CCDC102B: variants seen among roughly 807,000 people sequenced by gnomAD.
The protein encoded by CCDC102B is coiled-coil domain containing 102B, also known as coiled-coil domain-containing protein 102B.
In CCDC102B, 75 loss-of-function variants were observed where a neutral mutation model predicts 57.4. That is an observed-to-expected ratio of 1.31 (90% CI 1.08 to 1.58). CCDC102B has a LOEUF of 1.58. CCDC102B is among the 40% of genes most tolerant of loss of function. The pLI, the probability that CCDC102B is intolerant of heterozygous loss-of-function variation, is 0.00. For synonymous variants in CCDC102B, 206 were observed against 201.9 expected (o/e 1.02, Z -0.17); for missense variants, 636 against 582.6 (o/e 1.09, Z -0.94).
chr18:69,057,553 G>T (rs1249638762), downstream of CCDC102B, among the ~76,000 whole-genome samples: 1 of 151,992 alleles, frequency 6.6e-6, no homozygotes, highest in Non-Finnish European at 1.5e-5. Context: ...CTTTCAGGAG[G>T]ATTGCTGGGG....
chr18:68,815,626 G>A (rs527404607), intron 1 of CCDC102B, among the ~76,000 whole-genome samples: 5 of 150,468 alleles, frequency 3.3e-5, no homozygotes, highest in Admixed American at 6.6e-5. Flanking sequence ...AGGAAATATG[G>A]TATAGATTCA....
At chr18:68,986,713 A>AC (rs1009878830) in intron 6 of CCDC102B, among the ~76,000 whole-genome samples, 9 of 151,678 alleles carry the variant, frequency 5.9e-5, no homozygotes, top group Admixed American at 6.6e-5. Flanking sequence ...AACAACAACA[A>AC]AAAAAAAACT....
intron 4 of CCDC102B, among the ~76,000 whole-genome samples, chr18:68,869,803 A>G (rs891595348): frequency 3.9e-5 from 6 of 151,936 alleles, no homozygotes; most frequent in Non-Finnish European, 8.8e-5. Flanking sequence ...TCCCATGCCT[A>G]TGTCCTGAAT....
At position 69,011,073 on chromosome 18, in the gene CCDC102B, T is replaced by A; in HGVS notation, c.1403T>A (p.Leu468Gln). The change falls in exon 7 of 8, where the codon CTA (leucine) becomes CAA (glutamine). Residue 468 changes from leucine to glutamine, a missense_variant. Physicochemically the swap from Leu to Gln is moderately radical, Grantham distance 113. Transcript: ENST00000360242. ...AAACTAAGATTACGAGTGGAAGAACTAAAGCAGGGACTCAATCAAAAAGAA... is the reference window on the plus strand; with the variant it reads ...AAACTAAGATTACGAGTGGAAGAACAAAAGCAGGGACTCAATCAAAAAGAA... ...VKKLRLRVEE[L>Q]KQGLNQKEDE... is the part of the protein sequence containing the mutation. 1 of 1,613,796 alleles carries A rather than the reference T, an allele frequency of 6.2e-7. No individual in the cohort carries two copies. Among genetic ancestry groups the A allele is most frequent in the Middle Eastern group, 1.7e-4 (1 of 6,060 alleles).
intron 1 of CCDC102B, among the ~76,000 whole-genome samples, chr18:68,823,761 A>G (rs1194005630): frequency 6.6e-6 from 1 of 152,028 alleles, no homozygotes; most frequent in African/African-American, 2.4e-5. Context: ...AACTTGTGTG[A>G]GATGGTATCT....
At chr18:68,973,273 G>A (rs888655311) in intron 6 of CCDC102B, among the ~76,000 whole-genome samples, 15 of 152,004 alleles carry the variant, frequency 9.9e-5, no homozygotes, top group East Asian at 1.9e-4. Context: ...TTGAGACTGC[G>A]TGTAAGTCTA....
chr18:68,995,950 T>C (rs75314765), intron 6 of CCDC102B, among the ~76,000 whole-genome samples: 3,553 of 152,302 alleles, frequency 0.023, 144 homozygotes, highest in African/African-American at 0.08. Context: ...TGCCCAAGAT[T>C]GTGGGAGCTC....
rs893658314 is a variant in CCDC102B at position 68,819,201 on chromosome 18, T to C, written c.-15-17548T>C. Among the ~76,000 whole-genome samples the C allele has an allele frequency of 4.6e-5, 7 of 152,288 alleles. No individual in the cohort carries two copies. The South Asian group carries it at 1.2e-3, about 27-fold the overall frequency. On this transcript the variant is annotated intron_variant, in intron 1 of 7. Transcript: ENST00000360242. The stretch of plus-strand genomic sequence containing the variant: ...TTAACTGCAATATCATGAATGATTT[T>C]TCTTAGATGACTTCTAGGAGGTTTA...
intron 4 of CCDC102B, among the ~76,000 whole-genome samples, chr18:68,846,970 A>C (rs1327887495): frequency 6.6e-6 from 1 of 151,790 alleles, no homozygotes. Context: ...TTTCATCAAT[A>C]AAATGCCATC....
chr18:68,887,100 T>C (rs983382812), intron 5 of CCDC102B, among the ~76,000 whole-genome samples: 3 of 152,138 alleles, frequency 2.0e-5, no homozygotes, highest in Non-Finnish European at 4.4e-5. Context: ...TCATGTATGC[T>C]CTATCCATTA....
chr18:68,719,362 C>T (rs1376791599), intron 2 of CCDC102B, among the ~76,000 whole-genome samples: 1 of 152,184 alleles, frequency 6.6e-6, no homozygotes, highest in Non-Finnish European at 1.5e-5. Flanking sequence ...CAGAAAGCCA[C>T]TCCAAGTGTT....
intron 6 of CCDC102B, among the ~76,000 whole-genome samples, chr18:68,925,380 G>GT (rs1471602071): frequency 6.6e-6 from 1 of 151,774 alleles, no homozygotes; most frequent in Non-Finnish European, 1.5e-5. Flanking sequence ...ATATACAGAC[G>GT]GGGCTAGAAC....
chr18:68,936,677 GT>G (rs1470584832), intron 6 of CCDC102B, among the ~76,000 whole-genome samples: 1 of 151,536 alleles, frequency 6.6e-6, no homozygotes, highest in Non-Finnish European at 1.5e-5. Flanking sequence ...AAATAAAGAT[GT>G]TCATTTTAAT....
At chr18:68,959,940 G>A (rs1009627599) in intron 6 of CCDC102B, among the ~76,000 whole-genome samples, 25 of 152,158 alleles carry the variant, frequency 1.6e-4, no homozygotes, top group African/African-American at 6.0e-4. Context: ...CAGGAGCCAA[G>A]GCCTGGACTC....
chr18:68,792,346 G>C (rs898733098), intron 2 of CCDC102B, among the ~76,000 whole-genome samples: 3 of 152,134 alleles, frequency 2.0e-5, no homozygotes, highest in African/African-American at 7.2e-5. Context: ...TTTGCTCGGA[G>C]CCTAAGTAGT....
intron 6 of CCDC102B, among the ~76,000 whole-genome samples, chr18:68,928,107 G>A (rs1568335480): frequency 6.6e-6 from 1 of 151,810 alleles, no homozygotes; most frequent in Admixed American, 6.6e-5. Flanking sequence ...TTGTAAAGTG[G>A]TGATTATACT....
chr18:68,834,761 G>A (rs1490644533), intron 1 of CCDC102B, among the ~76,000 whole-genome samples: 1 of 151,464 alleles, frequency 6.6e-6, no homozygotes, highest in African/African-American at 2.4e-5. Context: ...AAATTATAAG[G>A]TCTATTAATA....
chr18:68,742,067 G>A (rs148078657), intron 2 of CCDC102B, among the ~76,000 whole-genome samples: 1 of 152,310 alleles, frequency 6.6e-6, no homozygotes, highest in African/African-American at 2.4e-5. Context: ...CTACAAACTG[G>A]TGGCTTAAAA....
At chr18:68,934,942 T>C (rs1166262254) in intron 6 of CCDC102B, among the ~76,000 whole-genome samples, 1 of 151,952 alleles carries the variant, frequency 6.6e-6, no homozygotes, top group Non-Finnish European at 1.5e-5. Flanking sequence ...AGACATATAA[T>C]GAATATCTGG....
Sources: gnomAD v4.1 joint callset for allele counts (sites outside exome capture counted in the v4.1 genomes callset) on GRCh38, gnomAD v4.1.1 for gene constraint, MANE v1.5 for transcripts, NCBI Gene and HGNC (gene_info 2026-07-23, HGNC 2026-07-21) for gene names.